RANBP2: variants seen among roughly 807,000 people sequenced by gnomAD.
The protein encoded by RANBP2 is RAN binding protein 2.
A neutral mutation model predicts 303.6 loss-of-function variants in RANBP2; 57 were observed. The ratio of observed to expected loss-of-function variants is 0.19; its 90% CI spans 0.15 to 0.23. The LOEUF (loss-of-function observed/expected upper bound fraction) is 0.23. Ranked by LOEUF, RANBP2 falls within the 10% of genes least tolerant of loss-of-function variation. RANBP2 has a pLI of 1.00. For synonymous variants in RANBP2, 1,167 were observed against 1,301.5 expected, an observed-to-expected ratio of 0.90 and a Z score of 2.23; for missense variants, 3,138 against 3,780.8, an observed-to-expected ratio of 0.83 and a Z score of 4.46.
At chr2:109,263,235 C>G in the RANBP2 span, among the ~76,000 whole-genome samples, 1 of 152,170 alleles carries the variant, frequency 6.6e-6, no homozygotes, top group Admixed American at 6.5e-5. Flanking sequence ...TACTAGTGCT[C>G]TTTGTCATTT....
the RANBP2 span, among the ~76,000 whole-genome samples, chr2:109,473,560 C>T: frequency 2.6e-5 from 4 of 152,190 alleles, no homozygotes; most frequent in African/African-American, 7.2e-5. Flanking sequence ...AATAAACCCT[C>T]TGTAACTGCT....
the RANBP2 span, among the ~76,000 whole-genome samples, chr2:109,028,645 T>C: frequency 6.6e-6 from 1 of 152,200 alleles, no homozygotes; most frequent in Non-Finnish European, 1.5e-5. Context: ...TGCTCTGACC[T>C]ATTCCACAGG....
chr2:108,732,065 A>G (rs1036725136), intron 4 of RANBP2, among the ~76,000 whole-genome samples: 13 of 152,214 alleles, frequency 8.5e-5, no homozygotes, highest in African/African-American at 3.1e-4. Context: ...TTTGGCAAAC[A>G]TTTAAAATGT....
At chr2:108,737,991 G>A (rs1018171359) in intron 6 of RANBP2, among the ~76,000 whole-genome samples, 2 of 151,578 alleles carry the variant, frequency 1.3e-5, no homozygotes, top group African/African-American at 4.9e-5. Context: ...TGGGATTACA[G>A]GCGTGAGCCA....
chr2:109,512,222 C>A, the RANBP2 span, among the ~76,000 whole-genome samples: 14 of 152,260 alleles, frequency 9.2e-5, no homozygotes, highest in African/African-American at 3.1e-4. Flanking sequence ...CCTGGCCCCA[C>A]TGTCCTTTGC....
chr2:108,984,470 C>A, the RANBP2 span, among the ~76,000 whole-genome samples: 4 of 152,170 alleles, frequency 2.6e-5, no homozygotes, highest in African/African-American at 9.7e-5. Context: ...CTCCTCTCCT[C>A]TCCTTCTGTT....
chr2:109,016,377 G>A, the RANBP2 span, among the ~76,000 whole-genome samples: 12 of 152,066 alleles, frequency 7.9e-5, no homozygotes, highest in South Asian at 2.1e-4. Context: ...GTGAGCCACC[G>A]CGCCGGGTGG....
chr2:109,575,334 CTT>C, the RANBP2 span, among the ~76,000 whole-genome samples: 1 of 152,210 alleles, frequency 6.6e-6, no homozygotes. Flanking sequence ...GTCCATGACT[CTT>C]TGCCTCTTAG....
the RANBP2 span, among the ~76,000 whole-genome samples, chr2:109,407,773 T>G: frequency 6.6e-6 from 1 of 152,238 alleles, no homozygotes; most frequent in South Asian, 2.1e-4. Flanking sequence ...TGTGAGAATC[T>G]TATACAAGAA....
At chr2:109,545,553 T>A in the RANBP2 span, 15 of 1,535,540 alleles carry the variant, frequency 9.8e-6, no homozygotes, top group Admixed American at 2.0e-5. Flanking sequence ...CTTATTAAAA[T>A]AAAAATTCTC....
the RANBP2 span, chr2:109,794,608 CGGG>C: frequency 1.0e-4 from 20 of 193,856 alleles, no homozygotes; most frequent in African/African-American, 6.6e-4. Flanking sequence ...GCGGCGGCGG[CGGG>C]GGGGGCGGCG....
At chr2:108,844,240 C>G in the RANBP2 span, among the ~76,000 whole-genome samples, 1 of 152,144 alleles carries the variant, frequency 6.6e-6, no homozygotes, top group South Asian at 2.1e-4. Context: ...TTTGCTATTC[C>G]TTGAAGTTCT....
At chr2:109,306,043 G>T in the RANBP2 span, among the ~76,000 whole-genome samples, 1 of 152,212 alleles carries the variant, frequency 6.6e-6, no homozygotes, top group Non-Finnish European at 1.5e-5. Context: ...GCCTTCTGCT[G>T]GGCTCTTACT....
At chr2:109,386,224 G>A in the RANBP2 span, among the ~76,000 whole-genome samples, 1 of 152,182 alleles carries the variant, frequency 6.6e-6, no homozygotes, top group East Asian at 1.9e-4. Context: ...CCAGGCTTCC[G>A]GCCTTCTCCC....
chr2:109,508,059 T>G, the RANBP2 span, among the ~76,000 whole-genome samples: 1 of 152,176 alleles, frequency 6.6e-6, no homozygotes, highest in Non-Finnish European at 1.5e-5. Context: ...TCTGCTGCCC[T>G]CCACGTGGCT....
chr2:109,114,672 TA>T, the RANBP2 span, among the ~76,000 whole-genome samples: 1 of 151,958 alleles, frequency 6.6e-6, no homozygotes, highest in African/African-American at 2.4e-5. Flanking sequence ...TGCCTTCTGC[TA>T]GCTTTTGAAT....
chr2:109,695,222 T>G, the RANBP2 span, among the ~76,000 whole-genome samples: 190 of 152,318 alleles, frequency 1.2e-3, 7 homozygotes, highest in South Asian at 0.038. Flanking sequence ...GTTGAAACAT[T>G]TCTATATTGG....
intron 1 of RANBP2, among the ~76,000 whole-genome samples, chr2:108,722,547 G>A (rs887748398): frequency 2.6e-5 from 4 of 151,108 alleles, no homozygotes; most frequent in African/African-American, 9.8e-5. Flanking sequence ...GTGATGATGC[G>A]TCTGTATATC....
At chr2:109,523,605 C>A in the RANBP2 span, among the ~76,000 whole-genome samples, 38 of 152,194 alleles carry the variant, frequency 2.5e-4, no homozygotes, top group Non-Finnish European at 4.4e-4. Flanking sequence ...TTTAGAAGGA[C>A]CTGAGAGGTG....
Sources: allele counts gnomAD v4.1 joint callset (sites outside exome capture counted in the v4.1 genomes callset), GRCh38; gene constraint gnomAD v4.1.1; transcripts MANE v1.5; gene names NCBI Gene and HGNC (gene_info 2026-07-23, HGNC 2026-07-21).